CYRIB: variants seen among roughly 807,000 people sequenced by gnomAD.
CYRIB encodes the protein CYFIP-related Rac1 interactor B.
CYRIB carries 8 observed loss-of-function variants against 44.2 expected under a neutral mutation model. That is an observed-to-expected ratio of 0.18 (90% confidence interval 0.11 to 0.33). The LOEUF is 0.33. CYRIB is among the 10% of genes least tolerant of loss of function. The pLI, the probability that CYRIB is intolerant of heterozygous loss-of-function variation, is 1.00. For synonymous variants in CYRIB, 131 were observed against 127.2 expected (o/e 1.03, Z -0.20); for missense variants, 185 against 382.8 (o/e 0.48, Z 4.31).
chr8:129,999,670 C>CA (rs1306879575), intron 1 of CYRIB, among the ~76,000 whole-genome samples: 1 of 152,240 alleles, frequency 6.6e-6, no homozygotes, highest in African/African-American at 2.4e-5. Context: ...CTCTGTTGCC[C>CA]AGGATGGAGT....
chr8:129,901,121 T>C (rs184409676), intron 2 of CYRIB, among the ~76,000 whole-genome samples: 1 of 152,330 alleles, frequency 6.6e-6, no homozygotes, highest in East Asian at 1.9e-4. Flanking sequence ...ACCTGGCTAA[T>C]TTTTTGTATT....
At chr8:129,904,968 C>G (rs940468294) in intron 1 of CYRIB, among the ~76,000 whole-genome samples, 11 of 152,094 alleles carry the variant, frequency 7.2e-5, no homozygotes, top group Non-Finnish European at 1.6e-4. Context: ...TATCAACATG[C>G]CATGCTAAAA....
At chr8:129,969,035 G>A (rs1233309565) in intron 2 of CYRIB, among the ~76,000 whole-genome samples, 1 of 482 alleles carries the variant, frequency 2.1e-3, no homozygotes, top group East Asian at 0.056. Context: ...TTTTTTTGAG[G>A]TGGATTCTTG....
intron 1 of CYRIB, among the ~76,000 whole-genome samples, chr8:129,923,066 TAAAAA>T (rs771693266): frequency 1.1e-5 from 1 of 92,488 alleles, no homozygotes; most frequent in Non-Finnish European, 2.3e-5. Flanking sequence ...CCGTCTCTAC[TAAAAA>T]AAAAAAAAAA....
rs189222102 is a variant in CYRIB, at chr8:129,994,165, C to T, written c.-296+22205G>A. Among the ~76,000 whole-genome samples the T allele has an allele frequency of 1.4e-4, 22 of 152,260 alleles. 1 individual carries two copies. The East Asian group carries it at 3.9e-3, about 27-fold the overall frequency. On this transcript the variant is annotated intron_variant, in intron 1 of 14. Transcript: ENST00000401979. Reference sequence around the variant, plus strand: ...GTGGGGCCTAATAAGGTGATAACCACGTGAAGACACACACACACAGGGAGA... The same window carrying T: ...GTGGGGCCTAATAAGGTGATAACCATGTGAAGACACACACACACAGGGAGA...
In CYRIB at chr8:130,008,965, G is replaced by C. The variant is rs114858933; in HGVS notation, c.-296+7405C>G. ...TCCTCTCCCTGAGTCCCAGCACTGA[G>C]GCTCTGTAGACCAGGGACTCAAATT... On this transcript the variant is annotated intron_variant, in intron 1 of 14. Coordinates refer to the CYRIB transcript ENST00000401979. Among the ~76,000 whole-genome samples, 1,294 of 152,312 alleles carry C rather than the reference G, an allele frequency of 8.5e-3. 24 individuals are homozygous for C. Among genetic ancestry groups the C allele is most frequent in the African/African-American group, 0.03 (1,230 of 41,564 alleles).
At chr8:129,864,149 T>C (rs993464363) in intron 4 of CYRIB, among the ~76,000 whole-genome samples, 1 of 152,244 alleles carries the variant, frequency 6.6e-6, no homozygotes, top group Non-Finnish European at 1.5e-5. Flanking sequence ...ATTTTCAAAT[T>C]GATGTTTTAT....
rs2069930370 is a variant in CYRIB at position 129,899,015 on chromosome 8, C to T, written c.-11+4297G>A. ...AGTAGCTGGGATTACAGGCATGTGCCACCAGGCCCGGCTAATTTTTGTATT... is the reference window on the plus strand; with the variant it reads ...AGTAGCTGGGATTACAGGCATGTGCTACCAGGCCCGGCTAATTTTTGTATT... On this transcript the variant is annotated intron_variant, in intron 2 of 11. Transcript: ENST00000519824. Among the ~76,000 whole-genome samples, 4 of 152,080 alleles carry T rather than the reference C, an allele frequency of 2.6e-5. No homozygotes were observed. The South Asian group carries it at 8.3e-4, about 31-fold the overall frequency.
chr8:129,920,678 C>G (rs1366955271), intron 1 of CYRIB, among the ~76,000 whole-genome samples: 2 of 151,984 alleles, frequency 1.3e-5, no homozygotes, highest in Non-Finnish European at 2.9e-5. Context: ...ATTCTGAAAC[C>G]ATTAACTCAT....
chr8:129,932,474 G>A (rs939021056), intron 1 of CYRIB, among the ~76,000 whole-genome samples: 4 of 152,114 alleles, frequency 2.6e-5, no homozygotes, highest in African/African-American at 7.2e-5. Context: ...CTTCTCTCCA[G>A]TAAGAAAGCC....
At chr8:129,998,434 G>A (rs1298865045) in intron 1 of CYRIB, among the ~76,000 whole-genome samples, 5 of 152,154 alleles carry the variant, frequency 3.3e-5, no homozygotes, top group Admixed American at 1.3e-4. Context: ...AGCAAAGGAG[G>A]GGTAACATCC....
intron 2 of CYRIB, among the ~76,000 whole-genome samples, chr8:129,965,882 G>GAGGC (rs2095461153): frequency 6.6e-6 from 1 of 151,664 alleles, no homozygotes; most frequent in Admixed American, 6.6e-5. Flanking sequence ...GCAGAGTCTT[G>GAGGC]CTCTTGTCAC....
intron 2 of CYRIB, among the ~76,000 whole-genome samples, chr8:129,959,109 T>C (rs2095081296): frequency 1.5e-5 from 2 of 134,922 alleles, no homozygotes; most frequent in South Asian, 2.4e-4. Flanking sequence ...ATTTCTCTAA[T>C]AAAAGCTTGA....
chr8:129,843,933 AG>A (rs753746772), intron 11 of CYRIB: 1 of 152,258 alleles, frequency 6.6e-6, no homozygotes, highest in African/African-American at 2.4e-5. Context: ...TACTTGCGGA[AG>A]GAAGACAAGA....
At position 129,845,780 on chromosome 8, in the gene CYRIB, T is replaced by C. The variant is rs2039599659; in HGVS notation, c.911+1024A>G. Among the ~76,000 whole-genome samples, 5 of 152,218 alleles carry C rather than the reference T, an allele frequency of 3.3e-5. No individual in the cohort carries two copies. The South Asian group carries it at 1.0e-3, about 31-fold the overall frequency. ...AAATCAAGTAATGGGACATCATCTTTTATGTCATGTGAATACTACCAATTA... is the reference window on the plus strand; with the variant it reads ...AAATCAAGTAATGGGACATCATCTTCTATGTCATGTGAATACTACCAATTA... On this transcript the variant is annotated intron_variant, in intron 11 of 11. Coordinates refer to ENST00000519824, the Ensembl canonical transcript of CYRIB.
chr8:130,009,456 C>G (rs1210332094), intron 1 of CYRIB, among the ~76,000 whole-genome samples: 1 of 152,036 alleles, frequency 6.6e-6, no homozygotes, highest in Non-Finnish European at 1.5e-5. Flanking sequence ...TTAGTAGAAA[C>G]AGGGTTTCAC....
chr8:129,847,100 C>T (rs2040480634), intron 10 of CYRIB: 3 of 401,846 alleles, frequency 7.5e-6, no homozygotes, highest in Non-Finnish European at 1.3e-5. Context: ...ACTAATATAC[C>T]ACACATGCAA....
At chr8:129,927,644 A>G (rs547353310) in intron 1 of CYRIB, among the ~76,000 whole-genome samples, 1 of 152,190 alleles carries the variant, frequency 6.6e-6, no homozygotes, top group Non-Finnish European at 1.5e-5. Context: ...GGTCACCAAA[A>G]CAGCGACTAC....
chr8:129,884,370 C>A (rs536550493), intron 2 of CYRIB, among the ~76,000 whole-genome samples: 1 of 152,116 alleles, frequency 6.6e-6, no homozygotes, highest in South Asian at 2.1e-4. Flanking sequence ...CTCACTGCAA[C>A]CTTCGCCTCC....
Sources: gnomAD v4.1 joint callset for allele counts (sites outside exome capture counted in the v4.1 genomes callset) on GRCh38, gnomAD v4.1.1 for gene constraint, MANE v1.5 for transcripts, NCBI Gene and HGNC (gene_info 2026-07-23, HGNC 2026-07-21) for gene names.